SYNPR: variants seen among roughly 807,000 people sequenced by gnomAD.
SYNPR encodes synaptoporin.
In SYNPR, 23 loss-of-function variants were observed where a neutral mutation model predicts 32.9. The ratio of observed to expected loss-of-function variants is 0.70; its 90% CI spans 0.50 to 0.99. The LOEUF (loss-of-function observed/expected upper bound fraction) is 0.99, where lower values mean the gene tolerates loss of function less well. Ranked by LOEUF, SYNPR falls within the 50% of genes least tolerant of loss-of-function variation. The probability of loss-of-function intolerance (pLI) is 0.00; values close to 1 mark genes in which losing one functional copy is unlikely to be tolerated. For synonymous variants in SYNPR, 146 were observed against 135.9 expected (o/e 1.07, Z -0.52); for missense variants, 318 against 349.3 (o/e 0.91, Z 0.71).
chr3:63,272,510 AT>A (rs35963299), intron 3 of SYNPR, among the ~76,000 whole-genome samples: 11,191 of 136,162 alleles, frequency 0.082, 501 homozygotes, highest in African/African-American at 0.16. Context: ...TTCCATGGGC[AT>A]TTTTTTTTTT....
chr3:63,516,544 A>G (rs1701803839), intron 3 of SYNPR, among the ~76,000 whole-genome samples: 1 of 152,174 alleles, frequency 6.6e-6, no homozygotes, highest in Non-Finnish European at 1.5e-5. Flanking sequence ...CAGTGCAGAC[A>G]TCGTAACCTC....
intron 2 of SYNPR, among the ~76,000 whole-genome samples, chr3:63,428,436 G>A (rs1332184958): frequency 6.6e-6 from 1 of 152,198 alleles, no homozygotes. Flanking sequence ...ACATAAGATA[G>A]CTATTAGAAG....
chr3:63,571,490 A>G (rs1440854552), intron 4 of SYNPR, among the ~76,000 whole-genome samples: 1 of 152,172 alleles, frequency 6.6e-6, no homozygotes, highest in East Asian at 1.9e-4. Context: ...TACTTGATAA[A>G]TAGGTAATCC....
At chr3:63,465,553 A>T (rs1033437608) in intron 2 of SYNPR, among the ~76,000 whole-genome samples, 9 of 152,156 alleles carry the variant, frequency 5.9e-5, no homozygotes, top group Non-Finnish European at 1.3e-4. Context: ...GAAAAATTTC[A>T]AACATATATA....
At chr3:63,498,717 G>T (rs1389875187) in intron 3 of SYNPR, among the ~76,000 whole-genome samples, 2 of 152,130 alleles carry the variant, frequency 1.3e-5, no homozygotes, top group Non-Finnish European at 2.9e-5. Flanking sequence ...AGTGCAGAGT[G>T]TGATGCAGTG....
chr3:63,486,192 G>A (rs1701146141), intron 3 of SYNPR, among the ~76,000 whole-genome samples: 3 of 152,020 alleles, frequency 2.0e-5, no homozygotes, highest in African/African-American at 7.2e-5. Context: ...TACAGGTGTG[G>A]GCCACCATGC....
intron 2 of SYNPR, among the ~76,000 whole-genome samples, chr3:63,348,661 G>C (rs1428224168): frequency 3.9e-5 from 6 of 152,032 alleles, no homozygotes; most frequent in Non-Finnish European, 8.8e-5. Context: ...TATAGTTTCA[G>C]GTTTTACATT....
intron 2 of SYNPR, among the ~76,000 whole-genome samples, chr3:63,430,983 T>A (rs181729218): frequency 9.3e-4 from 142 of 152,240 alleles, no homozygotes; most frequent in Non-Finnish European, 1.7e-3. Flanking sequence ...TAATCATGAA[T>A]CCCCCACAGG....
chr3:63,263,746 G>A (rs1470526512), intron 2 of SYNPR, among the ~76,000 whole-genome samples: 1 of 152,158 alleles, frequency 6.6e-6, no homozygotes, highest in Admixed American at 6.6e-5. Context: ...TCTTACCCTG[G>A]CTGTGCAGTG....
At chr3:63,522,754 C>T (rs1575690521) in intron 3 of SYNPR, among the ~76,000 whole-genome samples, 1 of 151,986 alleles carries the variant, frequency 6.6e-6, no homozygotes, top group Admixed American at 6.6e-5. Flanking sequence ...CAGCACAAAA[C>T]AGCAGAGGGA....
At chr3:63,242,935 GAAAGA>G (rs1487463489) in intron 1 of SYNPR, among the ~76,000 whole-genome samples, 1 of 151,960 alleles carries the variant, frequency 6.6e-6, no homozygotes, top group Non-Finnish European at 1.5e-5. Flanking sequence ...ATAACTCACT[GAAAGA>G]AAAGATCAGC....
intron 4 of SYNPR, among the ~76,000 whole-genome samples, chr3:63,574,078 C>T (rs1702937449): frequency 6.6e-6 from 1 of 152,036 alleles, no homozygotes; most frequent in South Asian, 2.1e-4. Context: ...CATTTACAGG[C>T]ACCTGGTATT....
At chr3:63,510,379 A>G (rs1467851427) in intron 3 of SYNPR, among the ~76,000 whole-genome samples, 1 of 152,204 alleles carries the variant, frequency 6.6e-6, no homozygotes, top group Non-Finnish European at 1.5e-5. Flanking sequence ...AACAGGCTCA[A>G]GTCCAGCTGA....
chr3:63,554,822 A>G (rs1702566696), intron 3 of SYNPR, among the ~76,000 whole-genome samples: 1 of 152,058 alleles, frequency 6.6e-6, no homozygotes, highest in Non-Finnish European at 1.5e-5. Context: ...TATTTTAGTG[A>G]TACTGATTCT....
chr3:63,426,165 G>A (rs1033782330), intron 2 of SYNPR, among the ~76,000 whole-genome samples: 1 of 152,220 alleles, frequency 6.6e-6, no homozygotes, highest in African/African-American at 2.4e-5. Context: ...TTATGTGGAT[G>A]AAGATGATAA....
At chr3:63,221,188 G>A in the SYNPR span, among the ~76,000 whole-genome samples, 1 of 152,024 alleles carries the variant, frequency 6.6e-6, no homozygotes, top group African/African-American at 2.4e-5. Flanking sequence ...TGTTCTAAGT[G>A]GAGGGTTGAA....
intron 4 of SYNPR, among the ~76,000 whole-genome samples, chr3:63,557,369 C>T (rs1412610842): frequency 6.6e-6 from 1 of 152,120 alleles, no homozygotes; most frequent in African/African-American, 2.4e-5. Context: ...CCCGAGAATG[C>T]CCTGTATCTA....
chr3:63,257,665 G>T (rs532347279), intron 2 of SYNPR, among the ~76,000 whole-genome samples: 1 of 152,172 alleles, frequency 6.6e-6, no homozygotes, highest in East Asian at 1.9e-4. Flanking sequence ...ATCAACTAAT[G>T]AGCAAAATAA....
At chr3:63,470,505 T>A (rs1306437127) in intron 2 of SYNPR, among the ~76,000 whole-genome samples, 4 of 152,208 alleles carry the variant, frequency 2.6e-5, no homozygotes, top group African/African-American at 9.7e-5. Context: ...TCAATTTAGC[T>A]CATTGCATAA....
Sources: gnomAD v4.1 joint callset for allele counts (sites outside exome capture counted in the v4.1 genomes callset) on GRCh38, gnomAD v4.1.1 for gene constraint, MANE v1.5 for transcripts, NCBI Gene and HGNC (gene_info 2026-07-23, HGNC 2026-07-21) for gene names.